TCF7L2: variants seen among roughly 807,000 people sequenced by gnomAD.
TCF7L2 encodes transcription factor 7 like 2.
Under a neutral mutation model 77.9 loss-of-function variants are expected in TCF7L2, and 23 were observed. The ratio of observed to expected loss-of-function variants is 0.30; its 90% CI spans 0.21 to 0.42. TCF7L2 has a LOEUF of 0.42. Among genes scored for constraint, TCF7L2 ranks in the 10% least tolerant of loss-of-function variants. The pLI is 1.00. For synonymous variants in TCF7L2, 413 were observed against 340.2 expected (o/e 1.21, Z -2.36); for missense variants, 654 against 793.1 (o/e 0.82, Z 2.11).
chr10:113,031,742 G>T (rs2050255117), intron 4 of TCF7L2, among the ~76,000 whole-genome samples: 1 of 152,106 alleles, frequency 6.6e-6, no homozygotes, highest in Admixed American at 6.5e-5. Flanking sequence ...GCCCACCTCT[G>T]CCTCTTAAAG....
At chr10:113,137,403 ATT>A (rs2067584732) in intron 5 of TCF7L2, among the ~76,000 whole-genome samples, 2 of 152,342 alleles carry the variant, frequency 1.3e-5, no homozygotes, top group Admixed American at 1.3e-4. Context: ...GCAAGTTCTC[ATT>A]CAGTTTTCAC....
At chr10:113,142,854 T>G (rs2068628055) in intron 6 of TCF7L2, among the ~76,000 whole-genome samples, 1 of 152,260 alleles carries the variant, frequency 6.6e-6, no homozygotes, top group African/African-American at 2.4e-5. Context: ...GCGAACATTC[T>G]TTCAAGTGTG....
intron 4 of TCF7L2, among the ~76,000 whole-genome samples, chr10:112,978,542 T>C (rs1015854418): frequency 6.6e-6 from 1 of 151,656 alleles, no homozygotes; most frequent in African/African-American, 2.4e-5. Flanking sequence ...CTCGGCTCAG[T>C]GCAAGCTCTG....
intron 4 of TCF7L2, among the ~76,000 whole-genome samples, chr10:112,992,842 C>T (rs1365667840): frequency 6.6e-6 from 1 of 151,944 alleles, no homozygotes; most frequent in Non-Finnish European, 1.5e-5. Flanking sequence ...CGGCTCACTG[C>T]AACCTCCGCC....
intron 4 of TCF7L2, among the ~76,000 whole-genome samples, chr10:112,993,652 A>G (rs1484936295): frequency 6.6e-6 from 1 of 152,236 alleles, no homozygotes; most frequent in Non-Finnish European, 1.5e-5. Context: ...AAGCACTTAA[A>G]ACACAGTGTT....
At chr10:113,147,414 C>T (rs142316676) in intron 8 of TCF7L2, among the ~76,000 whole-genome samples, 100 of 152,270 alleles carry the variant, frequency 6.6e-4, no homozygotes, top group South Asian at 3.5e-3. Flanking sequence ...TATCTAGCAT[C>T]GGTAACTATG....
At chr10:112,989,468 G>A (rs1227218352) in intron 4 of TCF7L2, among the ~76,000 whole-genome samples, 3 of 149,030 alleles carry the variant, frequency 2.0e-5, no homozygotes, top group Non-Finnish European at 2.9e-5. Context: ...ACTCTTATAT[G>A]AGCAGGAAGA....
At chr10:112,971,700 C>T (rs182903486) in intron 4 of TCF7L2, among the ~76,000 whole-genome samples, 10 of 151,926 alleles carry the variant, frequency 6.6e-5, no homozygotes, top group Admixed American at 3.9e-4. Flanking sequence ...GCAACCTCCG[C>T]TTCCCGGGTT....
chr10:113,001,094 C>T (rs368434207), intron 4 of TCF7L2, among the ~76,000 whole-genome samples: 3 of 152,156 alleles, frequency 2.0e-5, no homozygotes, highest in Non-Finnish European at 4.4e-5. Flanking sequence ...GTGCAGTGAG[C>T]GTGTCTTCCT....
intron 12 of TCF7L2, 125 bp downstream of exon 13, chr10:113,158,842 C>CA: frequency 3.2e-6 from 3 of 942,100 alleles, no homozygotes; most frequent in Non-Finnish European, 4.6e-6. Context: ...TGACCATCAA[C>CA]ACGGTTTCGT....
chr10:112,986,155 A>G (rs1011773770), intron 4 of TCF7L2, among the ~76,000 whole-genome samples: 3 of 151,952 alleles, frequency 2.0e-5, no homozygotes, highest in Admixed American at 6.6e-5. Context: ...TGGTCAAGTC[A>G]TTGGCTGTTT....
At chr10:113,053,079 G>A (rs1301003793) in intron 5 of TCF7L2, among the ~76,000 whole-genome samples, 1 of 152,162 alleles carries the variant, frequency 6.6e-6, no homozygotes, top group Non-Finnish European at 1.5e-5. Context: ...CAGCTCTCAT[G>A]CCAACGATCT....
intron 5 of TCF7L2, among the ~76,000 whole-genome samples, chr10:113,070,422 A>G (rs1294555720): frequency 6.6e-6 from 1 of 151,996 alleles, no homozygotes; most frequent in Non-Finnish European, 1.5e-5. Flanking sequence ...GTTTGGGGAC[A>G]CCACTTTCCT....
At chr10:113,063,893 C>CGCGT (rs1554993102) in intron 5 of TCF7L2, among the ~76,000 whole-genome samples, 2 of 147,056 alleles carry the variant, frequency 1.4e-5, no homozygotes, top group East Asian at 4.1e-4. Flanking sequence ...ATGGATGTGG[C>CGCGT]GTGTGTGTGT....
intron 5 of TCF7L2, among the ~76,000 whole-genome samples, chr10:113,136,971 T>A (rs576615324): frequency 6.6e-6 from 1 of 152,134 alleles, no homozygotes; most frequent in South Asian, 2.1e-4. Context: ...CAGCTCTTAC[T>A]TAAAGGCCCT....
chr10:113,165,228 C>T (rs1362917278), intron 13 of TCF7L2, among the ~76,000 whole-genome samples: 1 of 152,166 alleles, frequency 6.6e-6, no homozygotes, highest in Non-Finnish European at 1.5e-5. Flanking sequence ...CAAATAGATG[C>T]CACCATCTGC....
chr10:112,951,098 C>G (rs2030885995), intron 1 of TCF7L2, 109 bp from the exon 2 acceptor site: 1 of 1,291,808 alleles, frequency 7.7e-7, no homozygotes, highest in African/African-American at 1.6e-5. Flanking sequence ...ACTTGTAACC[C>G]TGTTTTTTTC....
chr10:112,988,101 C>CGTGT (rs60216684), intron 4 of TCF7L2, among the ~76,000 whole-genome samples: 5 of 148,432 alleles, frequency 3.4e-5, no homozygotes, highest in African/African-American at 1.3e-4. Context: ...CTGTGAATCC[C>CGTGT]GTGTGTGTGT....
At chr10:112,988,586 T>A (rs865929037) in intron 4 of TCF7L2, among the ~76,000 whole-genome samples, 1 of 152,244 alleles carries the variant, frequency 6.6e-6, no homozygotes, top group African/African-American at 2.4e-5. Flanking sequence ...GTTTCCTTTC[T>A]GTACACCAGT....
Sources: allele counts gnomAD v4.1 joint callset (sites outside exome capture counted in the v4.1 genomes callset), GRCh38; gene constraint gnomAD v4.1.1; transcripts MANE v1.5; gene names NCBI Gene and HGNC (gene_info 2026-07-23, HGNC 2026-07-21).